ARHGEF2: variants seen among roughly 807,000 people sequenced by gnomAD.
ARHGEF2 encodes Rho/Rac guanine nucleotide exchange factor 2.
ARHGEF2 carries 22 observed loss-of-function variants against 121.0 expected under a neutral mutation model. The observed-to-expected ratio is 0.18, with a 90% CI of 0.13 to 0.26. The LOEUF is 0.26. Ranked by LOEUF, ARHGEF2 falls within the 10% of genes least tolerant of loss-of-function variation. ARHGEF2 has a pLI of 1.00. For synonymous variants in ARHGEF2, 487 were observed against 530.0 expected, an observed-to-expected ratio of 0.92 and a Z score of 1.11; for missense variants, 907 against 1,336.0, an observed-to-expected ratio of 0.68 and a Z score of 5.01.
chr1:155,970,254 A>G (rs1463880780), intron 1 of ARHGEF2: 2 of 985,280 alleles, frequency 2.0e-6, no homozygotes, highest in African/African-American at 3.5e-5. Context: ...GGAGCCTCTG[A>G]GCCGCATTTT....
intron 21 of ARHGEF2, among the ~76,000 whole-genome samples, chr1:155,949,032 G>C (rs1404649023): frequency 6.6e-6 from 1 of 151,686 alleles, no homozygotes; most frequent in Non-Finnish European, 1.5e-5. Flanking sequence ...TGAATCACCT[G>C]AGGCCAGGAG....
chr1:155,979,361 A>G, upstream of ARHGEF2: 1 of 982,146 alleles, frequency 1.0e-6, no homozygotes, highest in South Asian at 4.7e-5. Context: ...CTAGTCAAAG[A>G]AAGTTAGGGC....
chr1:155,969,674 G>A (rs1428750016), intron 1 of ARHGEF2: 2 of 1,034,116 alleles, frequency 1.9e-6, no homozygotes, highest in Non-Finnish European at 1.2e-6. Flanking sequence ...GGGGGAAGAT[G>A]CGCAGAGAGG....
Position 155,962,498 on chromosome 1 carries a change from G to A in ARHGEF2, c.1101+95C>T, listed in dbSNP as rs1320586675. The A allele has an allele frequency of 2.3e-5, 36 of 1,550,156 alleles. No individual in the cohort carries two copies. The highest frequency in any genetic ancestry group is 3.2e-5 in the Non-Finnish European group (36 of 1,141,634). On this transcript the variant is annotated intron_variant, in intron 9 of 21. Coordinates refer to ENST00000361247, the MANE Select transcript of ARHGEF2 (RefSeq NM_001162383.2). The surrounding 1 kb of genome is among the most constrained non-coding windows in gnomAD (Gnocchi z 5.8). The stretch of plus-strand genomic sequence containing the variant: ...TGGTCTGCACGGGTGGCGAATGCCT[G>A]ACCTCCATGTGGGTGCAGCTCACAG...
At chr1:155,958,434 G>C in intron 11 of ARHGEF2, 38 bp from the exon 12 acceptor site, 2 of 1,547,398 alleles carry the variant, frequency 1.3e-6, no homozygotes, top group Non-Finnish European at 1.8e-6. Context: ...GTCAGCACTA[G>C]ACGGTCTGAG....
chr1:155,954,861 G>A (rs1676351837), intron 14 of ARHGEF2, 41 bp downstream of exon 14: 2 of 1,556,204 alleles, frequency 1.3e-6, no homozygotes, highest in Non-Finnish European at 1.8e-6. Context: ...TTGTGTGAAT[G>A]TATTATAAAT....
At chr1:155,970,430 A>C in intron 1 of ARHGEF2, 1 of 985,452 alleles carries the variant, frequency 1.0e-6, no homozygotes, top group South Asian at 4.7e-5. Context: ...GACCTTCCTT[A>C]GTTGTGACTC....
intron 13 of ARHGEF2, among the ~76,000 whole-genome samples, chr1:155,956,762 C>G (rs1041335438): frequency 4.7e-5 from 7 of 150,042 alleles, no homozygotes; most frequent in Non-Finnish European, 7.4e-5. Flanking sequence ...TCAAGACCAT[C>G]CTGGCCAACA....
chr1:155,972,768 C>T (rs1338624913), intron 1 of ARHGEF2, among the ~76,000 whole-genome samples: 1 of 151,336 alleles, frequency 6.6e-6, no homozygotes, highest in Non-Finnish European at 1.5e-5. Context: ...TTGGCATGAT[C>T]ATGGCTCACC....
intron 13 of ARHGEF2, among the ~76,000 whole-genome samples, chr1:155,956,604 C>T (rs1676715437): frequency 6.7e-6 from 1 of 148,896 alleles, no homozygotes; most frequent in Admixed American, 6.7e-5. Context: ...GCGGATAAAT[C>T]TGAGATCAGG....
chr1:155,965,400 A>C lies in ARHGEF2; in HGVS notation c.483T>G (p.Asp161Glu), dbSNP rs142089204. Residue 161 changes from aspartate (D) to glutamate (E), a missense_variant, in exon 6 of 22, where the codon GAT becomes GAG. Coordinates refer to ENST00000361247, the MANE Select transcript of ARHGEF2 (RefSeq NM_001162383.2). The surrounding 1 kb of genome is among the most constrained non-coding windows in gnomAD (Gnocchi z 6.0). ...TCCGGCGCAGCCCCAGGGGAGACTC[A>C]TCATTGAAATGTCTGAAGAAAGTGG... ...STTNIAGHFN[D>E]ESPLGLRRIL... 33 of 1,613,986 alleles carry C rather than the reference A, an allele frequency of 2.0e-5. No homozygotes were observed. The highest frequency in any genetic ancestry group is 2.2e-5 in the Non-Finnish European group (26 of 1,179,960).
intron 7 of ARHGEF2, among the ~76,000 whole-genome samples, chr1:155,964,195 TATAC>T (rs1203163531): frequency 5.5e-4 from 67 of 121,420 alleles, no homozygotes; most frequent in Non-Finnish European, 6.7e-4. Flanking sequence ...TATATATATA[TATAC>T]ATATATATAT....
At chr1:155,971,376 G>A (rs1023735800) in intron 1 of ARHGEF2, among the ~76,000 whole-genome samples, 2 of 151,650 alleles carry the variant, frequency 1.3e-5, no homozygotes, top group Non-Finnish European at 1.5e-5. Context: ...TCAGGAGTTC[G>A]AGACCAGCCT....
intron 4 of ARHGEF2, among the ~76,000 whole-genome samples, chr1:155,966,024 G>A (rs182251808): frequency 1.2e-3 from 182 of 152,272 alleles, no homozygotes; most frequent in Non-Finnish European, 1.9e-3. Context: ...TGTCCAGGGT[G>A]ACTTGGGTAA....
At position 155,950,463 on chromosome 1, in the gene ARHGEF2, C is replaced by A; in HGVS notation, c.2723G>T (p.Arg908Leu). The change falls in exon 21 of 22, where the codon CGC becomes CTC. Residue 908 changes from arginine (R) to leucine (L), a missense_variant. Arg to Leu is a moderately radical substitution (Grantham distance 102). Around this residue, in one of 2 missense-constraint regions of ARHGEF2, gnomAD observed 432 missense variants for 559.5 expected, o/e 0.77. Coordinates refer to ENST00000361247, the MANE Select transcript of ARHGEF2 (RefSeq NM_001162383.2). The surrounding 1 kb of genome is among the most constrained non-coding windows in gnomAD (Gnocchi z 5.2). The part of the protein sequence containing the change: ...NPPQPSRGTD[R>L]LDLPVTTRSV... Reference sequence around the variant, plus strand: ...GCGAGTAGTGACAGGTAGATCCAGGCGGTCAGTGCCTCGGCTGGGCTGTGG... The same window carrying A: ...GCGAGTAGTGACAGGTAGATCCAGGAGGTCAGTGCCTCGGCTGGGCTGTGG... 1.2e-6 allele frequency: 2 copies of A among 1,613,794 alleles called. No homozygotes were observed. Among genetic ancestry groups the A allele is most frequent in the Non-Finnish European group, 1.7e-6 (2 of 1,180,042 alleles).
intron 21 of ARHGEF2, among the ~76,000 whole-genome samples, chr1:155,948,690 T>C (rs562988693): frequency 2.0e-5 from 3 of 152,268 alleles, no homozygotes; most frequent in East Asian, 3.9e-4. Context: ...GGTATGTACC[T>C]GTAGCCCCAG....
At chr1:155,966,692 T>C (rs1679446963) in intron 3 of ARHGEF2, 128 bp downstream of exon 3, 1 of 1,177,180 alleles carries the variant, frequency 8.5e-7, no homozygotes, top group Non-Finnish European at 1.3e-6. Flanking sequence ...GGGTTGAGGG[T>C]CTGGGCTGCC....
In ARHGEF2 at chr1:155,950,877, G is replaced by A; in HGVS notation, c.2655C>T (p.Arg885=). ...ACAGGGCATCGCCTGCGGGGAGGCT[G>A]CGCCGCCGAGGATCCACAGGTCTGC... The part of the protein sequence containing the change: ...WARRPVDPRR[R]SLPAGDALYL... Residue 885 remains arginine (R), a synonymous_variant, in exon 20 of 22, where the codon CGC becomes CGT. Coordinates refer to ENST00000361247, the MANE Select transcript of ARHGEF2 (RefSeq NM_001162383.2). The surrounding 1 kb of genome is among the most constrained non-coding windows in gnomAD (Gnocchi z 5.2). 1 of 1,554,798 alleles carries A rather than the reference G, an allele frequency of 6.4e-7. No individual in the cohort carries two copies. The highest frequency in any genetic ancestry group is 1.2e-5 in the South Asian group (1 of 81,702).
chr1:155,949,999 C>A (rs911805474), intron 21 of ARHGEF2, among the ~76,000 whole-genome samples: 5 of 152,062 alleles, frequency 3.3e-5, no homozygotes, highest in Admixed American at 2.6e-4. Flanking sequence ...TGAGCTCAAG[C>A]GATCCTCCTG....
Sources: allele counts gnomAD v4.1 joint callset (sites outside exome capture counted in the v4.1 genomes callset), GRCh38; gene constraint gnomAD v4.1.1; regional missense constraint gnomAD v4.1.1; non-coding constraint Gnocchi (gnomAD v3.1); transcripts MANE v1.5; gene names NCBI Gene and HGNC (gene_info 2026-07-23, HGNC 2026-07-21).